The following AKAP9 variants were observed in gnomAD, a reference collection of about 807,000 sequenced individuals.
The protein encoded by AKAP9 is A-kinase anchor protein 9.
A neutral mutation model predicts 488.5 loss-of-function variants in AKAP9; 311 were observed. That is an observed-to-expected ratio of 0.64 (90% CI 0.58 to 0.70). The LOEUF is 0.70. AKAP9 is among the 30% of genes least tolerant of loss of function. The probability of loss-of-function intolerance (pLI) is 0.00; values close to 1 mark genes in which losing one functional copy is unlikely to be tolerated. For synonymous variants in AKAP9, 1,462 were observed against 1,483.5 expected (o/e 0.99, Z 0.33); for missense variants, 4,215 against 4,374.5 (o/e 0.96, Z 1.03).
intron 8 of AKAP9, among the ~76,000 whole-genome samples, chr7:92,005,748 C>T (rs1799751306): frequency 6.6e-6 from 1 of 152,134 alleles, no homozygotes; most frequent in Admixed American, 6.5e-5. Flanking sequence ...TCACTACAAC[C>T]TCCGCCTCCC....
chr7:91,947,157 GGT>G (rs773445421), intron 1 of AKAP9, among the ~76,000 whole-genome samples: 3,536 of 120,700 alleles, frequency 0.029, 151 homozygotes, highest in African/African-American at 0.099. Flanking sequence ...TGGTGTCTGG[GGT>G]GTGTGTGTGT....
rs114988059 is a variant in AKAP9, at chr7:91,995,954, G to A, written c.930+154G>A. The A allele has an allele frequency of 8.0e-4, 515 of 644,368 alleles. 4 individuals are homozygous for A. In the African/African-American group the frequency reaches 8.4e-3, roughly 10 times the overall value. 39.9% of individuals were successfully genotyped at this position (644,368 alleles called of 1,614,324 possible). A position where few individuals can be genotyped will look rare whatever the true frequency, so the allele number is the denominator to read the frequency against. ...ATTTCAAAAGCAAATGGGAATCTCA[G>A]TAATGTAGTTTTTAAGATAATAGTC... On this transcript the variant is annotated intron_variant, in intron 7 of 49. Transcript: ENST00000356239.
chr7:92,032,707 T>C (rs1411122933), intron 16 of AKAP9, among the ~76,000 whole-genome samples: 1 of 152,060 alleles, frequency 6.6e-6, no homozygotes, highest in Non-Finnish European at 1.5e-5. Flanking sequence ...TAAGGAAATA[T>C]CTGGGCCATA....
intron 1 of AKAP9, among the ~76,000 whole-genome samples, chr7:91,948,778 A>C (rs538029548): frequency 6.6e-6 from 1 of 150,830 alleles, no homozygotes; most frequent in Admixed American, 6.6e-5. Flanking sequence ...TGCCCGATTA[A>C]TTTTTTTGTA....
At position 91,995,658 on chromosome 7, in the gene AKAP9, T is replaced by C; in HGVS notation, c.788T>C (p.Leu263Ser). 1 of 1,614,158 alleles carries C rather than the reference T, an allele frequency of 6.2e-7. No individual in the cohort carries two copies. Among genetic ancestry groups the C allele is most frequent in the South Asian group, 1.1e-5 (1 of 91,078 alleles). The change falls in exon 7 of 50, where the codon TTA (leucine) becomes TCA (serine). Residue 263 changes from leucine (L) to serine (S), a missense_variant. Coordinates refer to ENST00000356239, the MANE Select transcript of AKAP9 (RefSeq NM_005751.5). Reference sequence around the variant, plus strand: ...ACTCATAGTAGCACAGCTGCAGACTTACTACAAGCCAAACAACAGATCCTC... The same window carrying C: ...ACTCATAGTAGCACAGCTGCAGACTCACTACAAGCCAAACAACAGATCCTC... Reference protein sequence around the residue: ...NSTHSSTAADLLQAKQQILTH... With the variant: ...NSTHSSTAADSLQAKQQILTH...
chr7:92,062,145 C>A, intron 23 of AKAP9, 129 bp from the exon 24 acceptor site: 2 of 797,904 alleles, frequency 2.5e-6, no homozygotes, highest in Non-Finnish European at 2.0e-6. Context: ...CAAATTCATT[C>A]AAGACTTTTA....
At position 92,027,919 on chromosome 7, in the gene AKAP9, A is replaced by C. The variant is rs568548411; in HGVS notation, c.4149-1976A>C. Among the ~76,000 whole-genome samples the C allele has an allele frequency of 2.6e-5, 4 of 152,306 alleles. No homozygotes were observed. The East Asian group carries it at 7.7e-4, about 29-fold the overall frequency. ...TGTGTCTGTGTAGAAAGAAGTAGACATAGGAGACTCCATTTTGTTCTGTAC... is the reference window on the plus strand; with the variant it reads ...TGTGTCTGTGTAGAAAGAAGTAGACCTAGGAGACTCCATTTTGTTCTGTAC... On this transcript the variant is annotated intron_variant, in intron 14 of 49. Coordinates refer to ENST00000356239, the MANE Select transcript of AKAP9 (RefSeq NM_005751.5).
intron 9 of AKAP9, 114 bp downstream of exon 9, chr7:92,012,756 C>T (rs1800924527): frequency 1.2e-6 from 1 of 855,266 alleles, no homozygotes; most frequent in Non-Finnish European, 1.8e-6. Flanking sequence ...GATTTGTTTA[C>T]CAGTTGTTGA....
Position 92,077,785 on chromosome 7 carries a change from A to G in AKAP9, c.6855A>G (p.Gln2285=). The G allele has an allele frequency of 6.2e-7, 1 of 1,613,922 alleles. No homozygotes were observed. The highest frequency in any genetic ancestry group is 8.5e-7 in the Non-Finnish European group (1 of 1,179,922). ...ATGTGCTATTTGGGAAATTTGCTCA[A>G]ATAATACAGGAAAAAGAGGTAGAAA... ...DQHVLFGKFA[Q]IIQEKEVEID... The change falls in exon 30 of 50, where the codon CAA becomes CAG. Residue 2285 remains glutamine (Q), a synonymous_variant. Transcript: ENST00000356239.
chr7:91,947,970 C>T (rs917460855), intron 1 of AKAP9, among the ~76,000 whole-genome samples: 6 of 152,182 alleles, frequency 3.9e-5, no homozygotes, highest in African/African-American at 1.4e-4. Context: ...CTTCTTCCCT[C>T]TAGCCACTAA....
intron 3 of AKAP9, among the ~76,000 whole-genome samples, chr7:91,980,922 T>C (rs1214150522): frequency 1.3e-5 from 2 of 152,144 alleles, no homozygotes; most frequent in African/African-American, 4.8e-5. Context: ...TATAAACTAT[T>C]CTGTACTCTG....
intron 24 of AKAP9, among the ~76,000 whole-genome samples, chr7:92,063,115 T>TTG (rs1359354978): frequency 6.6e-6 from 1 of 152,238 alleles, no homozygotes; most frequent in East Asian, 1.9e-4. Flanking sequence ...CTCTCACTTT[T>TTG]ATATTACACG....
At chr7:92,104,955 T>G (rs1162838423) in intron 46 of AKAP9, among the ~76,000 whole-genome samples, 1 of 152,180 alleles carries the variant, frequency 6.6e-6, no homozygotes, top group Non-Finnish European at 1.5e-5. Flanking sequence ...TAATTTTGAT[T>G]AGAGGGATCT....
intron 26 of AKAP9, among the ~76,000 whole-genome samples, chr7:92,068,365 CAAAAAAA>C (rs77237109): frequency 3.9e-4 from 18 of 46,518 alleles, no homozygotes; most frequent in South Asian, 7.6e-4. Flanking sequence ...GACTCCGTCT[CAAAAAAA>C]AAAAAAAAAA....
In AKAP9 at chr7:91,995,618, A is replaced by G; in HGVS notation, c.748A>G (p.Thr250Ala). 6.2e-7 allele frequency: 1 copy of G among 1,614,004 alleles called. No homozygotes were observed. The highest frequency in any genetic ancestry group is 8.5e-7 in the Non-Finnish European group (1 of 1,179,996). ...IQFQQLQASETLRNSTHSSTA... is the reference protein window; with the variant it reads ...IQFQQLQASEALRNSTHSSTA... ...CTATTTTCAGTTACAGGCTAGTGAA[A>G]CTCTGAGAAACAGCACTCATAGTAG... Residue 250 changes from threonine (T) to alanine (A), a missense_variant, in exon 7 of 50, where the codon ACT becomes GCT. By Grantham distance (58) the Thr-to-Ala change is moderately conservative (BLOSUM62 0). This residue lies in a region of AKAP9 where 2,361 missense variants were observed against 2,430.0 expected (regional missense o/e 0.97). Transcript: ENST00000356239.
intron 3 of AKAP9, among the ~76,000 whole-genome samples, chr7:91,990,866 A>G (rs563518358): frequency 6.6e-6 from 1 of 152,202 alleles, no homozygotes; most frequent in Non-Finnish European, 1.5e-5. Context: ...TAAATGGAAA[A>G]TTCCAGAAAT....
intron 33 of AKAP9, 60 bp downstream of exon 33, chr7:92,083,715 T>G (rs1209984040): frequency 7.0e-7 from 1 of 1,421,632 alleles, no homozygotes; most frequent in East Asian, 2.4e-5. Flanking sequence ...AAAAAAAAAA[T>G]CAGTTTAATT....
intron 1 of AKAP9, among the ~76,000 whole-genome samples, chr7:91,959,462 TA>T (rs10573086): frequency 0.37 from 54,370 of 147,494 alleles, 10,008 homozygotes; most frequent in Non-Finnish European, 0.4. Flanking sequence ...CTGGCTAATT[TA>T]AAAAAAAAAA....
Position 92,099,791 on chromosome 7 carries a change from G to C in AKAP9, c.10818G>C (p.Lys3606Asn). ...ATATCAGTCAACTGACTGAAGAGAA[G>C]AATGACTTAAGGAACATGGTTATGA... ...TGHISQLTEE[K>N]NDLRNMVMKL... The change falls in exon 44 of 50, where the codon AAG becomes AAC. Residue 3606 changes from lysine (K) to asparagine (N), a missense_variant. This residue lies in a region of AKAP9 where 74 missense variants were observed against 113.0 expected (regional missense o/e 0.65). Transcript: ENST00000356239. 6.2e-7 allele frequency: 1 copy of C among 1,614,084 alleles called. No individual in the cohort carries two copies. Among genetic ancestry groups the C allele is most frequent in the Non-Finnish European group, 8.5e-7 (1 of 1,179,986 alleles).
Sources: allele counts gnomAD v4.1 joint callset (sites outside exome capture counted in the v4.1 genomes callset), GRCh38; gene constraint gnomAD v4.1.1; regional missense constraint gnomAD v4.1.1; transcripts MANE v1.5; gene names NCBI Gene and HGNC (gene_info 2026-07-23, HGNC 2026-07-21).